Variants in RBFOX1 observed in about 807,000 individuals in gnomAD.
RBFOX1 encodes the protein RNA binding fox-1 homolog 1.
In RBFOX1, 8 loss-of-function variants were observed where a neutral mutation model predicts 57.7. That is an observed-to-expected ratio of 0.14 (90% CI 0.08 to 0.25). The LOEUF is 0.25. RBFOX1 is among the 10% of genes least tolerant of loss of function. The probability of loss-of-function intolerance (pLI) is 1.00; values close to 1 mark genes in which losing one functional copy is unlikely to be tolerated. For synonymous variants in RBFOX1, 326 were observed against 222.4 expected (o/e 1.47, Z -4.15); for missense variants, 611 against 548.5 (o/e 1.11, Z -1.14).
intron 4 of RBFOX1, among the ~76,000 whole-genome samples, chr16:7,142,224 A>T (rs1467629605): frequency 6.6e-6 from 1 of 152,006 alleles, no homozygotes; most frequent in Non-Finnish European, 1.5e-5. Flanking sequence ...GGGTTTCATC[A>T]TGTTGTCCAG....
intron 1 of RBFOX1, among the ~76,000 whole-genome samples, chr16:6,212,114 TCC>T (rs1347529348): frequency 2.0e-5 from 3 of 152,094 alleles, no homozygotes; most frequent in Non-Finnish European, 4.4e-5. Flanking sequence ...AACCTCGGCC[TCC>T]CAATGTGTTG....
chr16:6,100,138 T>C (rs1289665351), intron 1 of RBFOX1, among the ~76,000 whole-genome samples: 2 of 151,944 alleles, frequency 1.3e-5, no homozygotes, highest in Non-Finnish European at 2.9e-5. Context: ...TATTGCATTA[T>C]TGTTTTTTTT....
At chr16:6,979,936 G>C (rs934941619) in intron 3 of RBFOX1, among the ~76,000 whole-genome samples, 2 of 152,162 alleles carry the variant, frequency 1.3e-5, no homozygotes, top group Non-Finnish European at 2.9e-5. Flanking sequence ...GCCAGTTTCT[G>C]AGAGGTCTCT....
chr16:6,306,168 A>G (rs998815341), intron 1 of RBFOX1, among the ~76,000 whole-genome samples: 15 of 152,246 alleles, frequency 9.9e-5, no homozygotes, highest in Middle Eastern at 3.4e-3. Flanking sequence ...GTACTAATCA[A>G]ATGCTTATGT....
intron 1 of RBFOX1, among the ~76,000 whole-genome samples, chr16:5,420,245 C>G (rs894376868): frequency 6.6e-6 from 1 of 152,164 alleles, no homozygotes; most frequent in African/African-American, 2.4e-5. Flanking sequence ...TGTTCTGCCT[C>G]TGTTTAATGT....
In RBFOX1 at chr16:6,711,537, T is replaced by C. The variant is rs1169669314; in HGVS notation, c.-16+56887T>C. Among the ~76,000 whole-genome samples the C allele has an allele frequency of 9.2e-5, 14 of 152,332 alleles. No individual in the cohort carries two copies. The East Asian group carries it at 2.7e-3, about 29-fold the overall frequency. ...TGAGTTCTCACAACATATGATGGTT[T>C]AAAAGTGTTTGGCAGTTCTGCCCTC... On this transcript the variant is annotated intron_variant, in intron 3 of 15. Transcript: ENST00000550418.
At chr16:6,796,809 C>A (rs2084167742) in intron 3 of RBFOX1, among the ~76,000 whole-genome samples, 1 of 152,152 alleles carries the variant, frequency 6.6e-6, no homozygotes, top group Non-Finnish European at 1.5e-5. Flanking sequence ...TCATAAATAT[C>A]TACATTGTTT....
chr16:5,620,891 A>T (rs1328748260), intron 3 of RBFOX1, among the ~76,000 whole-genome samples: 1 of 152,104 alleles, frequency 6.6e-6, no homozygotes, highest in African/African-American at 2.4e-5. Flanking sequence ...CCCAGGCTGG[A>T]GTGCAGGAGT....
chr16:7,328,391 A>C (rs937046347), intron 4 of RBFOX1, among the ~76,000 whole-genome samples: 2 of 149,742 alleles, frequency 1.3e-5, no homozygotes, highest in African/African-American at 5.0e-5. Context: ...GAAGCAGAAG[A>C]CTAGCTTGAA....
intron 3 of RBFOX1, among the ~76,000 whole-genome samples, chr16:6,955,362 AC>A (rs2081574873): frequency 6.6e-6 from 1 of 151,790 alleles, no homozygotes; most frequent in Non-Finnish European, 1.5e-5. Flanking sequence ...ACACACACAC[AC>A]ACACACACAC....
At chr16:5,672,453 C>T (rs532669596) in intron 3 of RBFOX1, among the ~76,000 whole-genome samples, 168 of 152,248 alleles carry the variant, frequency 1.1e-3, no homozygotes, top group Non-Finnish European at 1.8e-3. Context: ...CTATGCTGAA[C>T]CTTTGAAGGC....
intron 2 of RBFOX1, among the ~76,000 whole-genome samples, chr16:6,343,184 T>C (rs2084834248): frequency 6.6e-6 from 1 of 152,190 alleles, no homozygotes; most frequent in African/African-American, 2.4e-5. Flanking sequence ...CATCAGAAAT[T>C]CGGGGAAAAA....
intron 3 of RBFOX1, among the ~76,000 whole-genome samples, chr16:5,681,201 G>A (rs975401699): frequency 2.6e-5 from 4 of 150,974 alleles, no homozygotes; most frequent in Non-Finnish European, 5.9e-5. Context: ...AGCCTCCCGA[G>A]TAGCTGGGAT....
intron 3 of RBFOX1, among the ~76,000 whole-genome samples, chr16:5,708,906 C>T (rs12922826): frequency 0.21 from 32,266 of 151,904 alleles, 4,504 homozygotes; most frequent in East Asian, 0.63. Flanking sequence ...AGAGGAAAGA[C>T]GAGAGTGAGA....
At chr16:6,497,058 C>G (rs989459503) in intron 2 of RBFOX1, among the ~76,000 whole-genome samples, 5 of 152,192 alleles carry the variant, frequency 3.3e-5, no homozygotes, top group Non-Finnish European at 5.9e-5. Flanking sequence ...GCTCTCAAAC[C>G]TCTTAGGTAG....
At chr16:7,071,549 T>G (rs2057334893) in intron 4 of RBFOX1, among the ~76,000 whole-genome samples, 1 of 151,744 alleles carries the variant, frequency 6.6e-6, no homozygotes, top group South Asian at 2.1e-4. Flanking sequence ...AAATTGTTGT[T>G]GGGGTCACAA....
At chr16:6,792,208 AG>A (rs1330714453) in intron 3 of RBFOX1, among the ~76,000 whole-genome samples, 1 of 152,188 alleles carries the variant, frequency 6.6e-6, no homozygotes, top group Non-Finnish European at 1.5e-5. Context: ...TAACAAAACA[AG>A]GTCAATTTTA....
Position 7,041,486 on chromosome 16 carries a change from G to T in RBFOX1, c.-15-10571G>T, listed in dbSNP as rs528640650. Among the ~76,000 whole-genome samples the T allele has an allele frequency of 1.5e-3, 232 of 152,240 alleles. 1 individual carries two copies. The highest frequency in any genetic ancestry group is 5.4e-3 in the African/African-American group (226 of 41,564). The stretch of plus-strand genomic sequence containing the variant: ...TGGCATTCTTCTCAGTTCTGGGTCT[G>T]TTCTGTGACAAGCGCTGTCCTTACT... On this transcript the variant is annotated intron_variant, in intron 3 of 15. Coordinates refer to ENST00000550418, the MANE Select transcript of RBFOX1 (RefSeq NM_018723.4).
rs567233887 is a variant in RBFOX1 at position 6,714,738 on chromosome 16, A to G, written c.-16+60088A>G. ...GTGGTGGCTTCAAGGTGTTGCATCT[A>G]CACAGCTGGGACATGGGCAGTACCG... On this transcript the variant is annotated intron_variant, in intron 3 of 15. Coordinates refer to ENST00000550418, the MANE Select transcript of RBFOX1 (RefSeq NM_018723.4). 2.8e-4 allele frequency among the ~76,000 whole-genome samples: 43 copies of G among 152,282 alleles called. 1 individual carries two copies. In the East Asian group the frequency reaches 7.9e-3, roughly 28 times the overall value.
Sources: gnomAD v4.1 joint callset for allele counts (sites outside exome capture counted in the v4.1 genomes callset) on GRCh38, gnomAD v4.1.1 for gene constraint, MANE v1.5 for transcripts, NCBI Gene and HGNC (gene_info 2026-07-23, HGNC 2026-07-21) for gene names.